Variants in MEX3C observed in about 807,000 individuals in gnomAD.
The protein encoded by MEX3C is RNA-binding E3 ubiquitin-protein ligase MEX3C.
Under a neutral mutation model 35.5 loss-of-function variants are expected in MEX3C, and 15 were observed. That is an observed-to-expected ratio of 0.42 (90% CI 0.28 to 0.65). The LOEUF (loss-of-function observed/expected upper bound fraction) is 0.65, where lower values mean the gene tolerates loss of function less well. Ranked by LOEUF, MEX3C falls within the 30% of genes least tolerant of loss-of-function variation. The pLI is 0.20. For missense variants in MEX3C, 711 were observed against 842.8 expected (o/e 0.84, Z 1.94); for synonymous variants, 390 against 352.8 (o/e 1.11, Z -1.18).
At chr18:51,196,496 G>T in intron 1 of MEX3C, 71 bp downstream of exon 1, 2 of 1,507,756 alleles carry the variant, frequency 1.3e-6, no homozygotes, top group Non-Finnish European at 1.8e-6. Flanking sequence ...TCCGTCCCAC[G>T]CTCCTTTCTC....
rs1455475181 is a variant in MEX3C at position 51,197,117 on chromosome 18, C to T, written c.204G>A (p.Pro68=). ...CCGCCGCTGCCGGGGCCCGAAGCGC[C>T]GGGGCGCCGGGCTCCGCCGGGCTGG... ...DDPSPAEPGA[P]ALRAPAAAAQ... The change falls in exon 1 of 2, where the codon CCG becomes CCA. Residue 68 remains proline, a synonymous_variant. Coordinates refer to ENST00000406189, the MANE Select transcript of MEX3C (RefSeq NM_016626.5). 1 of 1,120,014 alleles carries T rather than the reference C, an allele frequency of 8.9e-7. No homozygotes were observed. Among genetic ancestry groups the T allele is most frequent in the Non-Finnish European group, 1.1e-6 (1 of 920,930 alleles). The allele number at this position is 1,120,014 out of a possible 1,614,324, so 69.4% of individuals were successfully genotyped here. A position where few individuals can be genotyped will look rare whatever the true frequency, so the allele number is the denominator to read the frequency against.
intron 1 of MEX3C, among the ~76,000 whole-genome samples, chr18:51,179,628 G>A (rs980422409): frequency 5.3e-5 from 8 of 152,016 alleles, no homozygotes; most frequent in Non-Finnish European, 8.8e-5. Context: ...TCACATTTTC[G>A]GATTAGAAGT....
intron 1 of MEX3C, among the ~76,000 whole-genome samples, chr18:51,190,084 T>C (rs1289480532): frequency 6.6e-6 from 1 of 152,146 alleles, no homozygotes; most frequent in Non-Finnish European, 1.5e-5. Context: ...GACTTGATCC[T>C]CACAACAAAT....
At chr18:51,190,111 A>C (rs758745332) in intron 1 of MEX3C, among the ~76,000 whole-genome samples, 3 of 152,180 alleles carry the variant, frequency 2.0e-5, no homozygotes, top group Non-Finnish European at 2.9e-5. Flanking sequence ...GAGGGGAGAG[A>C]GAAACCTGGA....
chr18:51,197,252 C>T lies in MEX3C; in HGVS notation c.69G>A (p.Pro23=). 2 of 933,984 alleles carry T rather than the reference C, an allele frequency of 2.1e-6. No homozygotes were observed. Among genetic ancestry groups the T allele is most frequent in the East Asian group, 1.2e-4 (1 of 8,502 alleles). 57.9% of individuals were successfully genotyped at this position (933,984 alleles called of 1,614,324 possible). Residue 23 remains proline, a synonymous_variant, in exon 1 of 2, where the codon CCG becomes CCA. Coordinates refer to ENST00000406189, the MANE Select transcript of MEX3C (RefSeq NM_016626.5). ...AAPAPLPQPP[P]PPPPPPPPLP... The stretch of plus-strand genomic sequence containing the variant: ...GAGGCGGCGGTGGCGGCGGCGGCGG[C>T]GGGGGCGGCTGCGGCAGGGGGGCCG...
chr18:51,187,242 CAT>C (rs1912560979), intron 1 of MEX3C, among the ~76,000 whole-genome samples: 1 of 152,132 alleles, frequency 6.6e-6, no homozygotes, highest in Admixed American at 6.5e-5. Context: ...GAATAACAAA[CAT>C]GGCCATTTGG....
Position 51,196,725 on chromosome 18 carries a change from G to C in MEX3C, c.596C>G (p.Ala199Gly). The change falls in exon 1 of 2, where the codon GCG becomes GGG. Residue 199 changes from alanine to glycine, a missense_variant. Transcript: ENST00000406189. ...GGDDAQGMMA[A>G]MLSHAYGPGG... ...GGGGCCGTAGGCGTGGGACAGCATCGCCGCCATCATGCCCTGGGCATCGTC... is the reference window on the plus strand; with the variant it reads ...GGGGCCGTAGGCGTGGGACAGCATCCCCGCCATCATGCCCTGGGCATCGTC... 6.5e-7 allele frequency: 1 copy of C among 1,532,632 alleles called. No individual in the cohort carries two copies. Among genetic ancestry groups the C allele is most frequent in the Middle Eastern group, 1.7e-4 (1 of 5,808 alleles). 94.9% of individuals were successfully genotyped at this position (1,532,632 alleles called of 1,614,324 possible). A position where few individuals can be genotyped will look rare whatever the true frequency, so the allele number is the denominator to read the frequency against.
At chr18:51,178,865 A>G (rs1912362184) in intron 1 of MEX3C, among the ~76,000 whole-genome samples, 1 of 151,794 alleles carries the variant, frequency 6.6e-6, no homozygotes, top group Non-Finnish European at 1.5e-5. Flanking sequence ...CATCTCAAAA[A>G]AAAAAAAACC....
intron 1 of MEX3C, among the ~76,000 whole-genome samples, chr18:51,187,533 T>A (rs1404743524): frequency 6.6e-6 from 1 of 152,214 alleles, no homozygotes; most frequent in East Asian, 1.9e-4. Flanking sequence ...TATTAAGTGC[T>A]TAGCCCAAGT....
At position 51,177,143 on chromosome 18, in the gene MEX3C, T is replaced by A. The variant is rs140545981; in HGVS notation, c.1188A>T (p.Gly396=). 7.4e-6 allele frequency: 12 copies of A among 1,613,812 alleles called. No individual in the cohort carries two copies. The highest frequency in any genetic ancestry group is 1.0e-5 in the Non-Finnish European group (12 of 1,179,894). The change falls in exon 2 of 2, where the codon GGA becomes GGT. Residue 396 remains glycine (G), a synonymous_variant. Coordinates refer to ENST00000406189, the MANE Select transcript of MEX3C (RefSeq NM_016626.5). This position sits in a 1 kb window ranked among gnomAD's most constrained non-coding sequence, Gnocchi z 4.2. ...EIEMHIAMRT[G]NYIELNEEND... is the part of the protein sequence containing the mutation. Reference sequence around the variant, plus strand: ...TCTCTTCATTGAGCTCTATATAGTTTCCTGTACGCATGGCAATATGCATTT... The same window carrying A: ...TCTCTTCATTGAGCTCTATATAGTTACCTGTACGCATGGCAATATGCATTT...
Position 51,178,591 on chromosome 18 carries a change from C to T in MEX3C, c.755-1015G>A, listed in dbSNP as rs527626904. 2.0e-5 allele frequency among the ~76,000 whole-genome samples: 3 copies of T among 152,200 alleles called. No individual in the cohort carries two copies. The South Asian group carries it at 6.2e-4, about 32-fold the overall frequency. ...TTTGTCAAAATAAAGAAGCTAGGTG[C>T]TGTAATCCCAGCACTTTGGGAGGGT... On this transcript the variant is annotated intron_variant, in intron 1 of 1. Coordinates refer to ENST00000406189, the MANE Select transcript of MEX3C (RefSeq NM_016626.5).
chr18:51,194,360 A>C (rs1337295526), intron 1 of MEX3C: 1 of 152,230 alleles, frequency 6.6e-6, no homozygotes, highest in Non-Finnish European at 1.5e-5. Context: ...AAGAGCCAGC[A>C]ATTTGTCTCC....
chr18:51,197,229 G>A lies in MEX3C; in HGVS notation c.92C>T (p.Pro31Leu), dbSNP rs1912831662. ...CGGGCCGCCCGAGGGCGGCGGCAGA[G>A]GCGGCGGTGGCGGCGGCGGCGGCGG... ...PPPPPPPPPP[P>L]LPPPSGGPEL... Residue 31 changes from proline to leucine, a missense_variant, in exon 1 of 2, where the codon CCT (proline) becomes CTT (leucine). Coordinates refer to ENST00000406189, the MANE Select transcript of MEX3C (RefSeq NM_016626.5). 4 of 988,642 alleles carry A rather than the reference G, an allele frequency of 4.0e-6. No individual in the cohort carries two copies. Among genetic ancestry groups the A allele is most frequent in the Non-Finnish European group, 3.6e-6 (3 of 833,554 alleles). The allele number at this position is 988,642 out of a possible 1,614,324, so 61.2% of individuals were successfully genotyped here. A position where few individuals can be genotyped will look rare whatever the true frequency, so the allele number is the denominator to read the frequency against.
intron 1 of MEX3C, among the ~76,000 whole-genome samples, chr18:51,181,097 G>A (rs1332561298): frequency 6.6e-6 from 1 of 151,986 alleles, no homozygotes; most frequent in Non-Finnish European, 1.5e-5. Flanking sequence ...AGTACTTTGA[G>A]TTTTTATTTG....
At chr18:51,188,206 T>C (rs4939656) in intron 1 of MEX3C, among the ~76,000 whole-genome samples, 58,448 of 152,040 alleles carry the variant, frequency 0.38, 11,866 homozygotes, top group Non-Finnish European at 0.45. Context: ...TTTAGTTTCA[T>C]TATCAGTATT....
rs1912318563 is a variant in MEX3C at position 51,176,918 on chromosome 18, G to A, written c.1413C>T (p.Ser471=). 6.2e-7 allele frequency: 1 copy of A among 1,613,996 alleles called. No individual in the cohort carries two copies. Among genetic ancestry groups the A allele is most frequent in the African/African-American group, 1.3e-5 (1 of 75,038 alleles). Residue 471 remains serine, a synonymous_variant, in exon 2 of 2, where the codon AGC becomes AGT. Transcript: ENST00000406189. ...SNRLADFSPT[S]PFSTGNFWFG... ...ACCAGAAGTTTCCTGTGCTAAATGG[G>A]CTTGTTGGACTAAAGTCAGCCAGCC...
Position 51,176,701 on chromosome 18 carries a change from G to A in MEX3C, c.1630C>T (p.Leu544=), listed in dbSNP as rs1170802207. The change falls in exon 2 of 2, where the codon CTG becomes TTG. Residue 544 remains leucine (L), a synonymous_variant. Coordinates refer to ENST00000406189, the MANE Select transcript of MEX3C (RefSeq NM_016626.5). ...ATGCTCTCAGGAAATGTAGGAGACAGACGAGGAGTAGATGGCTGACTTCCT... is the reference window on the plus strand; with the variant it reads ...ATGCTCTCAGGAAATGTAGGAGACAAACGAGGAGTAGATGGCTGACTTCCT... ...RRGSQPSTPR[L]SPTFPESIEH... The A allele has an allele frequency of 2.5e-6, 4 of 1,613,924 alleles. No individual in the cohort carries two copies. The African/African-American group carries it at 5.3e-5, about 22-fold the overall frequency.
chr18:51,188,443 T>C (rs1255843625), intron 1 of MEX3C, among the ~76,000 whole-genome samples: 1 of 151,834 alleles, frequency 6.6e-6, no homozygotes, highest in East Asian at 1.9e-4. Context: ...TAAAACCCCG[T>C]CTCTACCAAA....
chr18:51,177,373 T>C lies in MEX3C; in HGVS notation c.958A>G (p.Ser320Gly). The change falls in exon 2 of 2, where the codon AGT (serine) becomes GGT (glycine). Residue 320 changes from serine to glycine, a missense_variant. Coordinates refer to ENST00000406189, the MANE Select transcript of MEX3C (RefSeq NM_016626.5). The surrounding 1 kb of genome is among the most constrained non-coding windows in gnomAD (Gnocchi z 4.2). ...GTGGTTTGACCGGGCAGATTAGGAC[T>C]ACATGATAATCCTCCCAGGGCAGGC... ...NGPALGGLSC[S>G]PNLPGQTTVQ... 3 of 1,613,974 alleles carry C rather than the reference T, an allele frequency of 1.9e-6. No individual in the cohort carries two copies. The highest frequency in any genetic ancestry group is 1.7e-6 in the Non-Finnish European group (2 of 1,179,886).
Sources: allele counts gnomAD v4.1 joint callset (sites outside exome capture counted in the v4.1 genomes callset), GRCh38; gene constraint gnomAD v4.1.1; non-coding constraint Gnocchi (gnomAD v3.1); transcripts MANE v1.5; gene names NCBI Gene and HGNC (gene_info 2026-07-23, HGNC 2026-07-21).